SEC24B: variants seen among roughly 807,000 people sequenced by gnomAD.
SEC24B encodes SEC24 homolog B, COPII component.
Under a neutral mutation model 142.8 loss-of-function variants are expected in SEC24B, and 45 were observed. That is an observed-to-expected ratio of 0.32 (90% CI 0.25 to 0.40). The LOEUF is 0.40. Ranked by LOEUF, SEC24B falls within the 10% of genes least tolerant of loss-of-function variation. The pLI, the probability that SEC24B is intolerant of heterozygous loss-of-function variation, is 1.00. For synonymous variants in SEC24B, 574 were observed against 568.2 expected, an observed-to-expected ratio of 1.01 and a Z score of -0.15; for missense variants, 1,409 against 1,526.8, an observed-to-expected ratio of 0.92 and a Z score of 1.29.
At chr4:109,441,919 G>A (rs1728965709) in intron 1 of SEC24B, among the ~76,000 whole-genome samples, 1 of 152,180 alleles carries the variant, frequency 6.6e-6, no homozygotes, top group Non-Finnish European at 1.5e-5. Flanking sequence ...ATGGAATGTA[G>A]GAGAGAAAGA....
intron 1 of SEC24B, among the ~76,000 whole-genome samples, chr4:109,453,440 G>C (rs867089639): frequency 6.8e-4 from 28 of 41,108 alleles, no homozygotes; most frequent in East Asian, 2.6e-3. Context: ...GCCATTTTAG[G>C]CCCCCCCCCC....
At position 109,493,734 on chromosome 4, in the gene SEC24B, C is replaced by T. The variant is rs1161915253; in HGVS notation, c.1247-881C>T. Among the ~76,000 whole-genome samples, 3 of 151,306 alleles carry T rather than the reference C, an allele frequency of 2.0e-5. No individual in the cohort carries two copies. In the East Asian group the frequency reaches 5.8e-4, roughly 29 times the overall value. ...GCCTCAGCCTCCTGAGTAGCTGGGA[C>T]TACAGGTGCCTGCCACCATGCTCAG... is the stretch of plus-strand genomic sequence containing the variant. On this transcript the variant is annotated intron_variant, in intron 5 of 23. Coordinates refer to ENST00000265175, the MANE Select transcript of SEC24B (RefSeq NM_006323.5).
intron 7 of SEC24B, among the ~76,000 whole-genome samples, chr4:109,508,370 G>A (rs911573147): frequency 2.0e-5 from 3 of 151,948 alleles, no homozygotes; most frequent in African/African-American, 2.4e-5. Context: ...TTTGTGACCA[G>A]CCTGGACAAC....
chr4:109,503,370 C>T (rs1375622261), intron 6 of SEC24B, among the ~76,000 whole-genome samples: 1 of 151,942 alleles, frequency 6.6e-6, no homozygotes, highest in Non-Finnish European at 1.5e-5. Flanking sequence ...ATTACAGGCG[C>T]CCGCCACACC....
chr4:109,503,931 T>C (rs772283578), intron 6 of SEC24B, among the ~76,000 whole-genome samples: 5 of 152,164 alleles, frequency 3.3e-5, no homozygotes, highest in African/African-American at 7.2e-5. Flanking sequence ...CCTACCTTTA[T>C]TTTATATCCT....
intron 7 of SEC24B, among the ~76,000 whole-genome samples, chr4:109,507,888 G>T (rs1578932368): frequency 1.3e-5 from 2 of 152,078 alleles, no homozygotes; most frequent in African/African-American, 4.8e-5. Context: ...CAGGTGATCC[G>T]CCCACCTCGT....
intron 3 of SEC24B, among the ~76,000 whole-genome samples, chr4:109,479,830 A>T (rs533481371): frequency 1.0e-4 from 14 of 133,834 alleles, no homozygotes; most frequent in Admixed American, 6.0e-4. Context: ...CCTATTTTAC[A>T]TTTATTTTTA....
At chr4:109,436,080 T>C (rs1334025984) in intron 1 of SEC24B, among the ~76,000 whole-genome samples, 3 of 152,130 alleles carry the variant, frequency 2.0e-5, no homozygotes, top group African/African-American at 2.4e-5. Context: ...CCTTAAATGT[T>C]ATGCTAGGAA....
Position 109,445,243 on chromosome 4 carries a change from T to C in SEC24B, c.133+11241T>C, listed in dbSNP as rs1223585199. Among the ~76,000 whole-genome samples, 5 of 73,694 alleles carry C rather than the reference T, an allele frequency of 6.8e-5. No individual in the cohort carries two copies. The African/African-American group carries it at 1.0e-3, about 15-fold the overall frequency. 48.3% of individuals were successfully genotyped at this position (73,694 alleles called of 152,430 possible). A position where few individuals can be genotyped will look rare whatever the true frequency, so the allele number is the denominator to read the frequency against. ...TTTTAGTTTTTTCTTTCTTTCTTTGTTTTTTTTTTTTTTTTTTTGAGACGG... is the reference window on the plus strand; with the variant it reads ...TTTTAGTTTTTTCTTTCTTTCTTTGCTTTTTTTTTTTTTTTTTTGAGACGG... On this transcript the variant is annotated intron_variant, in intron 1 of 23. Transcript: ENST00000265175.
chr4:109,501,575 A>G (rs938176600), intron 6 of SEC24B, among the ~76,000 whole-genome samples: 2 of 152,192 alleles, frequency 1.3e-5, no homozygotes, highest in Non-Finnish European at 2.9e-5. Context: ...GGTTCAAGCA[A>G]TTCTCTTGCC....
In SEC24B at chr4:109,527,011, G is replaced by A. The variant is rs1234538181; in HGVS notation, c.2966-311G>A. 3.9e-5 allele frequency among the ~76,000 whole-genome samples: 6 copies of A among 152,062 alleles called. No individual in the cohort carries two copies. The East Asian group carries it at 1.2e-3, about 29-fold the overall frequency. ...AGGTGGGTGGATCACCTGAGGTCAG[G>A]AGTTCCAGACCAGCCTGGCCAACCT... is the stretch of plus-strand genomic sequence containing the variant. On this transcript the variant is annotated intron_variant, in intron 17 of 23. Transcript: ENST00000265175.
At chr4:109,441,082 C>T (rs1281254481) in intron 1 of SEC24B, among the ~76,000 whole-genome samples, 1 of 152,098 alleles carries the variant, frequency 6.6e-6, no homozygotes, top group African/African-American at 2.4e-5. Context: ...TGCCAGAAGT[C>T]ATTTGTAACA....
At chr4:109,444,191 G>C (rs918620694) in intron 1 of SEC24B, among the ~76,000 whole-genome samples, 1 of 144,246 alleles carries the variant, frequency 6.9e-6, no homozygotes, top group Non-Finnish European at 1.5e-5. Context: ...CATCGCCTGG[G>C]CAACAAGAGC....
intron 1 of SEC24B, among the ~76,000 whole-genome samples, chr4:109,460,830 T>G: frequency 6.6e-6 from 1 of 151,482 alleles, no homozygotes. Flanking sequence ...AAAATAAATA[T>G]ATGCTATACT....
chr4:109,483,003 CATATT>C (rs1290857149), intron 4 of SEC24B, among the ~76,000 whole-genome samples: 2 of 84,110 alleles, frequency 2.4e-5, no homozygotes, highest in Non-Finnish European at 4.3e-5. Flanking sequence ...CACACACACA[CATATT>C]ATACATATGT....
intron 6 of SEC24B, among the ~76,000 whole-genome samples, chr4:109,497,618 C>T (rs1223479717): frequency 1.3e-5 from 2 of 150,676 alleles, no homozygotes; most frequent in African/African-American, 4.9e-5. Context: ...ATCTTTTGCT[C>T]AACATTATGC....
At chr4:109,465,325 A>G (rs1731753218) in intron 2 of SEC24B, among the ~76,000 whole-genome samples, 1 of 152,178 alleles carries the variant, frequency 6.6e-6, no homozygotes. Context: ...CTAGAATAGA[A>G]TCTCCAGGGT....
Position 109,539,871 on chromosome 4 carries a change from ACGAT to A in SEC24B, c.*197_*200del. ...TCTTTTTCAACTCAAATTAATGGTA[ACGAT>A]GATGCTGTTTCACCAAGTATATTTT... is the stretch of plus-strand genomic sequence containing the variant. On this transcript the variant is annotated 3_prime_UTR_variant, in exon 24 of 24. Transcript: ENST00000265175. 1.8e-6 allele frequency: 1 copy of A among 555,342 alleles called. No individual in the cohort carries two copies. The highest frequency in any genetic ancestry group is 3.2e-6 in the Non-Finnish European group (1 of 316,694). 34.4% of individuals were successfully genotyped at this position (555,342 alleles called of 1,614,324 possible).
At chr4:109,516,432 G>T in intron 10 of SEC24B, 96 bp from the exon 11 acceptor site, 1 of 658,646 alleles carries the variant, frequency 1.5e-6, no homozygotes, top group Non-Finnish European at 2.5e-6. Flanking sequence ...TATTTTTTGT[G>T]TTAATATATT....
Sources: allele counts gnomAD v4.1 joint callset (sites outside exome capture counted in the v4.1 genomes callset), GRCh38; gene constraint gnomAD v4.1.1; transcripts MANE v1.5; gene names NCBI Gene and HGNC (gene_info 2026-07-23, HGNC 2026-07-21).